The following CCDC125 variants were observed in gnomAD, a reference collection of about 807,000 sequenced individuals.
The protein encoded by CCDC125 is coiled-coil domain containing 125, also known as coiled-coil domain-containing protein 125.
A neutral mutation model predicts 57.4 loss-of-function variants in CCDC125; 43 were observed. That is an observed-to-expected ratio of 0.75 (90% CI 0.59 to 0.97). The LOEUF is 0.97. Ranked by LOEUF, CCDC125 falls within the 50% of genes least tolerant of loss-of-function variation. The pLI is 0.00. For missense variants in CCDC125, 563 were observed against 595.7 expected (o/e 0.95, Z 0.57); for synonymous variants, 187 against 195.2 (o/e 0.96, Z 0.35).
chr5:69,294,907 A>G lies in CCDC125; in HGVS notation c.817-7T>C. The stretch of plus-strand genomic sequence containing the variant: ...AGGCTCCGAGGACCGCAAGCTTTAA[A>G]TTGAAAAGCATTGCTCCTGTTATTA... On this transcript the variant is annotated splice_region_variant and splice_polypyrimidine_tract_variant and intron_variant, in intron 8 of 11. Coordinates refer to ENST00000396496, the MANE Select transcript of CCDC125 (RefSeq NM_176816.5). 3 of 1,607,362 alleles carry G rather than the reference A, an allele frequency of 1.9e-6. No homozygotes were observed. Among genetic ancestry groups the G allele is most frequent in the Non-Finnish European group, 2.6e-6 (3 of 1,174,976 alleles).
chr5:69,313,586 T>C, intron 3 of CCDC125: 1 of 732,496 alleles, frequency 1.4e-6, no homozygotes, highest in Non-Finnish European at 2.5e-6. Context: ...AGGTCCTCCT[T>C]CTTGCTCTCT....
At chr5:69,311,336 T>G in intron 3 of CCDC125, 132 bp from the exon 4 acceptor site, 1 of 549,248 alleles carries the variant, frequency 1.8e-6, no homozygotes, top group African/African-American at 1.9e-5. Context: ...CTAGACTTAG[T>G]GAGTGAACCA....
At chr5:69,291,106 C>T (rs1754386750) in intron 10 of CCDC125, among the ~76,000 whole-genome samples, 1 of 152,126 alleles carries the variant, frequency 6.6e-6, no homozygotes, top group Non-Finnish European at 1.5e-5. Context: ...TTCTACAAAA[C>T]ATTTAAAATT....
chr5:69,288,920 T>C (rs1753956013), intron 10 of CCDC125, among the ~76,000 whole-genome samples: 1 of 152,344 alleles, frequency 6.6e-6, no homozygotes, highest in South Asian at 2.1e-4. Context: ...GTAAGTGCTG[T>C]GTGAATAGGA....
At chr5:69,303,447 C>T (rs1756840325) in intron 7 of CCDC125, among the ~76,000 whole-genome samples, 1 of 148,740 alleles carries the variant, frequency 6.7e-6, no homozygotes, top group Non-Finnish European at 1.5e-5. Flanking sequence ...TCACTGCAAC[C>T]TCGGCCTCCA....
At chr5:69,332,029 C>A (rs1015925325) in intron 1 of CCDC125, among the ~76,000 whole-genome samples, 1 of 152,190 alleles carries the variant, frequency 6.6e-6, no homozygotes, top group Non-Finnish European at 1.5e-5. Context: ...GATTCCTGCC[C>A]GGAAACCTTT....
At chr5:69,303,703 A>C in intron 7 of CCDC125, 144 bp downstream of exon 7, 6 of 581,440 alleles carry the variant, frequency 1.0e-5, no homozygotes, top group Non-Finnish European at 1.8e-5. Context: ...TGTTATGTGA[A>C]TTTCACCTTG....
rs563557405 is a variant in CCDC125 at position 69,287,208 on chromosome 5, G to A, written c.1100-1741C>T. ...ATTAAAGTCTTGTCACTGAGAAACT[G>A]AGAAAGAACTACTCAAACTTGTATA... On this transcript the variant is annotated intron_variant, in intron 10 of 11. Coordinates refer to ENST00000396496, the MANE Select transcript of CCDC125 (RefSeq NM_176816.5). Among the ~76,000 whole-genome samples, 27 of 151,504 alleles carry A rather than the reference G, an allele frequency of 1.8e-4. No homozygotes were observed. The East Asian group carries it at 5.2e-3, about 29-fold the overall frequency.
Position 69,300,099 on chromosome 5 carries a change from G to A in CCDC125, c.729C>T (p.Leu243=), listed in dbSNP as rs1756136531. Residue 243 remains leucine (L), a synonymous_variant, in exon 8 of 12, where the codon CTC becomes CTT. Coordinates refer to ENST00000396496, the MANE Select transcript of CCDC125 (RefSeq NM_176816.5). Reference sequence around the variant, plus strand: ...TCTGCTGTTTGATATCAAGCATGGCGAGGGCCTCCAAATACCGTTGATTCA... The same window carrying A: ...TCTGCTGTTTGATATCAAGCATGGCAAGGGCCTCCAAATACCGTTGATTCA... The part of the protein sequence containing the change: ...AVLNQRYLEA[L]AMLDIKQQKM... 6 of 1,614,042 alleles carry A rather than the reference G, an allele frequency of 3.7e-6. No individual in the cohort carries two copies. Among genetic ancestry groups the A allele is most frequent in the Non-Finnish European group, 5.1e-6 (6 of 1,179,984 alleles).
chr5:69,301,846 A>G (rs28831722), intron 7 of CCDC125, among the ~76,000 whole-genome samples: 142,183 of 151,598 alleles, frequency 0.94, 67,067 homozygotes, highest in East Asian at 1. Context: ...ACAGTGAGCC[A>G]AGATTGTGCC....
rs150445286 is a variant in CCDC125, at chr5:69,325,717, G to A, written c.-40-5137C>T. Among the ~76,000 whole-genome samples, 674 of 151,082 alleles carry A rather than the reference G, an allele frequency of 4.5e-3. 5 individuals carry two copies. The highest frequency in any genetic ancestry group is 0.014 in the African/African-American group (594 of 41,104). On this transcript the variant is annotated intron_variant, in intron 1 of 11. Coordinates refer to ENST00000396496, the MANE Select transcript of CCDC125 (RefSeq NM_176816.5). ...CAGGTGCCTGTAATCCTAGCTATTC[G>A]GGAGGCTGAGGCAGGAGAATCACTT...
rs1280656120 is a variant in CCDC125 at position 69,303,831 on chromosome 5, C to T, written c.700+16G>A. 1 of 1,483,022 alleles carries T rather than the reference C, an allele frequency of 6.7e-7. No homozygotes were observed. Among genetic ancestry groups the T allele is most frequent in the Non-Finnish European group, 9.3e-7 (1 of 1,071,112 alleles). 91.9% of individuals were successfully genotyped at this position (1,483,022 alleles called of 1,614,324 possible). A position where few individuals can be genotyped will look rare whatever the true frequency, so the allele number is the denominator to read the frequency against. On this transcript the variant is annotated intron_variant, in intron 7 of 11. Transcript: ENST00000396496. ...TTTATTGATACATGTGCTCTTAATA[C>T]AAAAATCATCATTACCTGCATTGTC...
At chr5:69,305,350 A>G (rs1303079249) in intron 6 of CCDC125, among the ~76,000 whole-genome samples, 2 of 151,998 alleles carry the variant, frequency 1.3e-5, no homozygotes, top group Non-Finnish European at 2.9e-5. Context: ...AGTAGCTGGG[A>G]TACAGGTGTG....
intron 11 of CCDC125, 54 bp downstream of exon 11, chr5:69,285,283 G>A: frequency 6.3e-7 from 1 of 1,592,066 alleles, no homozygotes; most frequent in Non-Finnish European, 8.5e-7. Flanking sequence ...ACGGACCGTG[G>A]GTTGGACAAG....
intron 10 of CCDC125, 66 bp downstream of exon 10, chr5:69,292,122 C>G (rs1754553237): frequency 7.3e-7 from 1 of 1,375,298 alleles, no homozygotes; most frequent in Non-Finnish European, 1.0e-6. Context: ...TGTGCTTCAT[C>G]AACTTGGATT....
intron 1 of CCDC125, among the ~76,000 whole-genome samples, chr5:69,322,011 T>C (rs1310867338): frequency 5.0e-5 from 7 of 139,200 alleles, no homozygotes; most frequent in Non-Finnish European, 7.5e-5. Context: ...TAATTTTCTA[T>C]TTTTTTTTTA....
chr5:69,320,500 T>G lies in CCDC125; in HGVS notation c.41A>C (p.Gln14Pro), dbSNP rs1357318011. The part of the protein sequence containing the change: ...VARSSSESDV[Q>P]LWETEEDDMT... ...GTCATCCTCTTCTGTTTCCCAGAGC[T>G]GCACGTCTGACTCACTTGATGATCT... Residue 14 changes from glutamine to proline, a missense_variant, in exon 2 of 12, where the codon CAG becomes CCG. Gln to Pro is a moderately conservative substitution (Grantham distance 76, BLOSUM62 -1). Transcript: ENST00000396496. 6.2e-7 allele frequency: 1 copy of G among 1,613,482 alleles called. No individual in the cohort carries two copies. The highest frequency in any genetic ancestry group is 2.2e-5 in the East Asian group (1 of 44,894).
intron 7 of CCDC125, among the ~76,000 whole-genome samples, chr5:69,300,367 C>T (rs978498074): frequency 1.3e-5 from 2 of 152,034 alleles, no homozygotes; most frequent in South Asian, 4.2e-4. Flanking sequence ...CAACTGAAGT[C>T]GGATTCCTGT....
At chr5:69,293,984 T>A in intron 9 of CCDC125, 1 of 163,882 alleles carries the variant, frequency 6.1e-6, no homozygotes, top group Non-Finnish European at 1.3e-5. Context: ...GTTATTACCC[T>A]CCACTTAATA....
Sources: gnomAD v4.1 joint callset for allele counts (sites outside exome capture counted in the v4.1 genomes callset) on GRCh38, gnomAD v4.1.1 for gene constraint, MANE v1.5 for transcripts, NCBI Gene and HGNC (gene_info 2026-07-23, HGNC 2026-07-21) for gene names.